PADI2: variants seen among roughly 807,000 people sequenced by gnomAD.
PADI2 encodes the protein protein-arginine deiminase type-2.
Under a neutral mutation model 81.1 loss-of-function variants are expected in PADI2, and 70 were observed. The ratio of observed to expected loss-of-function variants is 0.86; its 90% CI spans 0.71 to 1.05. The LOEUF is 1.05. PADI2 is among the 50% of genes least tolerant of loss of function. The pLI is 0.00. For missense variants in PADI2, 853 were observed against 889.9 expected (o/e 0.96, Z 0.53); for synonymous variants, 338 against 358.0 (o/e 0.94, Z 0.63).
At chr1:17,078,291 A>G (rs1366296562) in intron 11 of PADI2, among the ~76,000 whole-genome samples, 1 of 151,912 alleles carries the variant, frequency 6.6e-6, no homozygotes, top group Non-Finnish European at 1.5e-5. Context: ...TTGTATTTTT[A>G]GTAGAGACGA....
chr1:17,084,543 A>G (rs1404512633), intron 8 of PADI2, 56 bp downstream of exon 8: 1 of 1,047,842 alleles, frequency 9.5e-7, no homozygotes, highest in Admixed American at 2.1e-5. Context: ...TGTCCATCTG[A>G]CTCGGCCCTT....
intron 3 of PADI2, among the ~76,000 whole-genome samples, chr1:17,099,342 G>A (rs1931058924): frequency 6.6e-6 from 1 of 152,106 alleles, no homozygotes; most frequent in South Asian, 2.1e-4. Context: ...CCGCATATGT[G>A]TACTCCTTCC....
chr1:17,095,848 C>G (rs1008666906), intron 4 of PADI2, 61 bp downstream of exon 4: 28 of 1,354,670 alleles, frequency 2.1e-5, no homozygotes, highest in Middle Eastern at 3.6e-4. Flanking sequence ...CCTGCGGGAT[C>G]TGGGGCTGTG....
chr1:17,112,850 T>A (rs908543047), intron 1 of PADI2, among the ~76,000 whole-genome samples: 1 of 152,238 alleles, frequency 6.6e-6, no homozygotes, highest in South Asian at 2.1e-4. Context: ...CAAAGTCCAA[T>A]GTCTGAACGA....
At chr1:17,088,539 G>T (rs147553538) in intron 6 of PADI2, among the ~76,000 whole-genome samples, 4,219 of 152,184 alleles carry the variant, frequency 0.028, 76 homozygotes, top group Non-Finnish European at 0.039. Flanking sequence ...CTCACTAAGG[G>T]TGCTTCCCTT....
At chr1:17,107,443 C>A (rs948148918) in intron 1 of PADI2, among the ~76,000 whole-genome samples, 2 of 152,200 alleles carry the variant, frequency 1.3e-5, no homozygotes, top group Non-Finnish European at 2.9e-5. Context: ...AGTGCAGCAG[C>A]AGTGTCTGGG....
In PADI2 at chr1:17,088,629, C is replaced by T. The variant is rs1053627160; in HGVS notation, c.656-1930G>A. 3.3e-5 allele frequency among the ~76,000 whole-genome samples: 5 copies of T among 152,158 alleles called. No homozygotes were observed. The South Asian group carries it at 1.0e-3, about 32-fold the overall frequency. The stretch of plus-strand genomic sequence containing the variant: ...TTACAAGCTATAAAACCTCAGGGAG[C>T]CGGGTGCAGTAGCTCACGCCTGTAA... On this transcript the variant is annotated intron_variant, in intron 6 of 15. Transcript: ENST00000375486.
chr1:17,099,124 A>G (rs2235911), intron 3 of PADI2, among the ~76,000 whole-genome samples: 93,317 of 152,094 alleles, frequency 0.61, 28,983 homozygotes, highest in African/African-American at 0.68. Context: ...AAGACACTGA[A>G]GCCTCAGCTC....
At chr1:17,089,147 G>T (rs930663210) in intron 6 of PADI2, among the ~76,000 whole-genome samples, 13 of 152,076 alleles carry the variant, frequency 8.5e-5, no homozygotes, top group Non-Finnish European at 1.8e-4. Flanking sequence ...CAAACAGAAG[G>T]CAGGGAAACC....
chr1:17,081,156 G>T (rs1394879949), intron 10 of PADI2, among the ~76,000 whole-genome samples: 4 of 152,228 alleles, frequency 2.6e-5, no homozygotes, highest in Non-Finnish European at 5.9e-5. Flanking sequence ...ACTGGTGCTG[G>T]TGGTTGGTTT....
chr1:17,069,223 G>A lies in PADI2; in HGVS notation c.1819C>T (p.Gln607Ter). 6.2e-7 allele frequency: 1 copy of A among 1,614,252 alleles called. No individual in the cohort carries two copies. The highest frequency in any genetic ancestry group is 8.5e-7 in the Non-Finnish European group (1 of 1,180,042). ...TCCAGGCAGCATTCCTCCTCAACCT[G>A]TGGCCCGAATGGCTTGGGGATGCCC... is the stretch of plus-strand genomic sequence containing the variant. ...DLGIPKPFGPQVEEECCLEMH... is the reference protein window; with the variant it reads ...DLGIPKPFGP The change falls in exon 16 of 16, where the codon CAG becomes TAG. Residue 607 changes from glutamine to a stop codon, truncating the protein, a stop_gained. Coordinates refer to ENST00000375486, the MANE Select transcript of PADI2 (RefSeq NM_007365.3). LOFTEE classifies it high-confidence loss of function.
At chr1:17,076,445 C>T (rs992244789) in intron 11 of PADI2, among the ~76,000 whole-genome samples, 1 of 152,136 alleles carries the variant, frequency 6.6e-6, no homozygotes. Context: ...GAACTCCTGA[C>T]CTCATGATCC....
intron 1 of PADI2, among the ~76,000 whole-genome samples, chr1:17,114,612 T>C (rs1931698553): frequency 7.0e-6 from 1 of 142,040 alleles, no homozygotes; most frequent in African/African-American, 3.1e-5. Context: ...GTTCAATAAA[T>C]GTCAACTAGT....
chr1:17,068,891 G>A lies in PADI2; in HGVS notation c.*153C>T, dbSNP rs1298095166. ...TCAGAGGACACTGAGGCCCCTCTCA[G>A]GGAGGGCAAGGCACAGATACCCCAA... On this transcript the variant is annotated 3_prime_UTR_variant, in exon 16 of 16. Transcript: ENST00000375486. The A allele has an allele frequency of 1.6e-6, 1 of 643,676 alleles. No individual in the cohort carries two copies. Among genetic ancestry groups the A allele is most frequent in the Admixed American group, 2.6e-5 (1 of 38,022 alleles). The allele number at this position is 643,676 out of a possible 1,614,324, so 39.9% of individuals were successfully genotyped here.
At position 17,086,652 on chromosome 1, in the gene PADI2, G is replaced by A. The variant is rs746573475; in HGVS notation, c.703C>T (p.Leu235Phe). 1.9e-6 allele frequency: 3 copies of A among 1,614,156 alleles called. No individual in the cohort carries two copies. The highest frequency in any genetic ancestry group is 1.7e-6 in the Non-Finnish European group (2 of 1,180,020). The change falls in exon 7 of 16, where the codon CTC becomes TTC. Residue 235 changes from leucine (L) to phenylalanine (F), a missense_variant. Coordinates refer to ENST00000375486, the MANE Select transcript of PADI2 (RefSeq NM_007365.3). ...CCCGTGTACTTGACCACATGGTAGAGCTTCCGCCGGCCCAGGATGTGGATA... is the reference window on the plus strand; with the variant it reads ...CCCGTGTACTTGACCACATGGTAGAACTTCCGCCGGCCCAGGATGTGGATA... Reference protein sequence around the residue: ...RYIHILGRRKLYHVVKYTGGS... With the variant: ...RYIHILGRRKFYHVVKYTGGS...
intron 6 of PADI2, among the ~76,000 whole-genome samples, chr1:17,087,973 G>T (rs1930531256): frequency 6.6e-6 from 1 of 152,244 alleles, no homozygotes; most frequent in Non-Finnish European, 1.5e-5. Flanking sequence ...TTTTCAGGCA[G>T]ATTGAGAGCA....
intron 4 of PADI2, 137 bp downstream of exon 4, chr1:17,095,772 T>G: frequency 9.6e-6 from 6 of 624,602 alleles, no homozygotes; most frequent in Admixed American, 2.6e-5. Context: ...GGTTCCATCA[T>G]TGGTATGCTG....
intron 15 of PADI2, among the ~76,000 whole-genome samples, chr1:17,069,793 T>C (rs1334967352): frequency 6.6e-6 from 1 of 152,234 alleles, no homozygotes; most frequent in Non-Finnish European, 1.5e-5. Flanking sequence ...GACTCCCCTC[T>C]ATGTAACAGA....
In PADI2 at chr1:17,086,629, C is replaced by G. The variant is rs147747254; in HGVS notation, c.726G>C (p.Thr242=). 2 of 1,613,938 alleles carry G rather than the reference C, an allele frequency of 1.2e-6. No individual in the cohort carries two copies. The highest frequency in any genetic ancestry group is 3.3e-5 in the Admixed American group (2 of 60,010). Residue 242 remains threonine, a synonymous_variant, in exon 7 of 16, where the codon ACG becomes ACC. Coordinates refer to ENST00000375486, the MANE Select transcript of PADI2 (RefSeq NM_007365.3). ...RRKLYHVVKY[T]GGSAELLFFV... ...AGAACAGCAGCTCCGCGGAGCCACC[C>G]GTGTACTTGACCACATGGTAGAGCT...
Sources: gnomAD v4.1 joint callset for allele counts (sites outside exome capture counted in the v4.1 genomes callset) on GRCh38, gnomAD v4.1.1 for gene constraint, MANE v1.5 for transcripts, NCBI Gene and HGNC (gene_info 2026-07-23, HGNC 2026-07-21) for gene names.